Variants in PRKG1 observed in about 807,000 individuals in gnomAD.
PRKG1 encodes the protein protein kinase cGMP-dependent 1.
In PRKG1, 35 loss-of-function variants were observed where a neutral mutation model predicts 88.1. The ratio of observed to expected loss-of-function variants is 0.40; its 90% confidence interval spans 0.30 to 0.53. The LOEUF is 0.53. PRKG1 is among the 20% of genes least tolerant of loss of function. PRKG1 has a pLI of 0.59. For missense variants in PRKG1, 540 were observed against 839.8 expected (o/e 0.64, Z 4.41); for synonymous variants, 303 against 292.5 (o/e 1.04, Z -0.37).
intron 5 of PRKG1, among the ~76,000 whole-genome samples, chr10:52,007,290 T>G (rs149539000): frequency 1.3e-5 from 2 of 152,150 alleles, no homozygotes; most frequent in African/African-American, 4.8e-5. Flanking sequence ...TAACCTTCAG[T>G]GTAAACAGGC....
intron 2 of PRKG1, among the ~76,000 whole-genome samples, chr10:51,334,208 C>A (rs1247037636): frequency 6.6e-6 from 1 of 150,758 alleles, no homozygotes; most frequent in South Asian, 2.1e-4. Context: ...CACACACATA[C>A]AAACACACAT....
Position 50,991,086 on chromosome 10 carries a change from A to C in PRKG1, c.-293A>C. The stretch of plus-strand genomic sequence containing the variant: ...CAGCTCTAATTGGTTTCTCAATGAA[A>C]GATAATCACCTACTCCCCAGAGAGG... On this transcript the variant is annotated 5_prime_UTR_variant, in exon 1 of 18. Transcript: ENST00000401604. This position sits in a 1 kb window ranked among gnomAD's most constrained non-coding sequence, Gnocchi z 4.5. 3.1e-6 allele frequency: 1 copy of C among 323,164 alleles called. No individual in the cohort carries two copies. The highest frequency in any genetic ancestry group is 4.7e-5 in the South Asian group (1 of 21,288). 20.0% of individuals were successfully genotyped at this position (323,164 alleles called of 1,614,324 possible).
At chr10:51,400,978 C>T (rs534372571) in intron 2 of PRKG1, among the ~76,000 whole-genome samples, 2 of 152,280 alleles carry the variant, frequency 1.3e-5, no homozygotes, top group Admixed American at 1.3e-4. Flanking sequence ...TTCTTCTCAA[C>T]TATAAAAATA....
chr10:52,136,214 A>G (rs1837414927), intron 8 of PRKG1, among the ~76,000 whole-genome samples: 2 of 152,084 alleles, frequency 1.3e-5, no homozygotes, highest in Admixed American at 1.3e-4. Context: ...AGGAAGTTGG[A>G]GCAAATGAAA....
chr10:51,439,801 C>T (rs1473382744), intron 2 of PRKG1, among the ~76,000 whole-genome samples: 2 of 151,816 alleles, frequency 1.3e-5, no homozygotes, highest in Non-Finnish European at 2.9e-5. Flanking sequence ...AGTGACATGT[C>T]AAGGTACTAA....
At chr10:51,730,370 T>C (rs566559348) in intron 3 of PRKG1, among the ~76,000 whole-genome samples, 6 of 152,320 alleles carry the variant, frequency 3.9e-5, no homozygotes, top group South Asian at 4.1e-4. Flanking sequence ...TGAATGACAA[T>C]TGAAAATGTA....
In PRKG1 at chr10:52,274,611, A is replaced by C. The variant is rs895776017; in HGVS notation, c.1403+2130A>C. ...AGTTTCTTTATCCATTCATTGATTG[A>C]TGGGCATTTGATTTGGTTCCATGAT... On this transcript the variant is annotated intron_variant, in intron 12 of 17. Transcript: ENST00000373980. Among the ~76,000 whole-genome samples, 37 of 151,698 alleles carry C rather than the reference A, an allele frequency of 2.4e-4. 1 individual carries two copies. Among genetic ancestry groups the C allele is most frequent in the African/African-American group, 8.2e-4 (34 of 41,308 alleles).
intron 3 of PRKG1, among the ~76,000 whole-genome samples, chr10:51,794,418 TG>T (rs1362108824): frequency 6.6e-6 from 1 of 152,126 alleles, no homozygotes; most frequent in African/African-American, 2.4e-5. Flanking sequence ...CAACTACACG[TG>T]GAACTCTCTT....
chr10:51,919,165 C>A (rs868619815), intron 5 of PRKG1, among the ~76,000 whole-genome samples: 1 of 152,102 alleles, frequency 6.6e-6, no homozygotes, highest in Admixed American at 6.6e-5. Flanking sequence ...TGCTTCCCTG[C>A]GGAAAAGGAA....
chr10:52,224,457 A>G (rs1006714539), intron 9 of PRKG1, among the ~76,000 whole-genome samples: 2 of 151,392 alleles, frequency 1.3e-5, no homozygotes, highest in African/African-American at 4.9e-5. Flanking sequence ...TATATTTTTA[A>G]TTTTTCCATA....
intron 3 of PRKG1, among the ~76,000 whole-genome samples, chr10:51,782,673 G>C (rs906667601): frequency 6.6e-6 from 1 of 152,072 alleles, no homozygotes; most frequent in African/African-American, 2.4e-5. Context: ...CCCTCATACT[G>C]TTCTCATGGT....
chr10:52,071,681 G>GT (rs1325855585), intron 7 of PRKG1, among the ~76,000 whole-genome samples: 1 of 117,070 alleles, frequency 8.5e-6, no homozygotes, highest in Non-Finnish European at 1.7e-5. Flanking sequence ...TGGGGGTGGG[G>GT]TTTTTTGGTG....
At chr10:51,281,461 T>C (rs1840293982) in intron 2 of PRKG1, among the ~76,000 whole-genome samples, 1 of 152,122 alleles carries the variant, frequency 6.6e-6, no homozygotes, top group Admixed American at 6.5e-5. Context: ...AGAGCCTCGC[T>C]CATTGCTAGC....
chr10:52,226,880 C>T (rs2132344193), intron 9 of PRKG1, among the ~76,000 whole-genome samples: 1 of 152,188 alleles, frequency 6.6e-6, no homozygotes, highest in Non-Finnish European at 1.5e-5. Flanking sequence ...TTCCTGAATT[C>T]CTTTGAAAAT....
At chr10:51,278,562 C>T (rs12242472) in intron 2 of PRKG1, among the ~76,000 whole-genome samples, 16 of 152,068 alleles carry the variant, frequency 1.1e-4, no homozygotes, top group South Asian at 2.1e-4. Flanking sequence ...TGGTAGAATT[C>T]GGCTGTGAAT....
At chr10:51,256,862 A>G (rs75036406) in intron 2 of PRKG1, among the ~76,000 whole-genome samples, 2,106 of 152,198 alleles carry the variant, frequency 0.014, 56 homozygotes, top group African/African-American at 0.047. Context: ...TTGAAACTCT[A>G]TGGGCAGGAT....
At chr10:51,817,355 C>G (rs1034355028) in intron 4 of PRKG1, among the ~76,000 whole-genome samples, 8 of 148,886 alleles carry the variant, frequency 5.4e-5, no homozygotes, top group East Asian at 4.0e-4. Flanking sequence ...CAACCCCCCC[C>G]CTCCCCTGAC....
chr10:51,499,799 A>C (rs1264092282), intron 3 of PRKG1, among the ~76,000 whole-genome samples: 1 of 152,170 alleles, frequency 6.6e-6, no homozygotes, highest in East Asian at 1.9e-4. Flanking sequence ...CTATTTTTTA[A>C]AACAATGAAA....
chr10:51,274,370 G>T (rs967634152), intron 2 of PRKG1, among the ~76,000 whole-genome samples: 12 of 152,110 alleles, frequency 7.9e-5, no homozygotes, highest in African/African-American at 2.9e-4. Context: ...ATTTGGCTTT[G>T]ATTTGGATTC....
Sources: gnomAD v4.1 joint callset for allele counts (sites outside exome capture counted in the v4.1 genomes callset) on GRCh38, gnomAD v4.1.1 for gene constraint, Gnocchi (gnomAD v3.1) non-coding constraint, MANE v1.5 for transcripts, NCBI Gene and HGNC (gene_info 2026-07-23, HGNC 2026-07-21) for gene names.